Variants in ADAMTS8 observed in about 807,000 individuals in gnomAD.
ADAMTS8 encodes A disintegrin and metalloproteinase with thrombospondin motifs 8.
A neutral mutation model predicts 64.4 loss-of-function variants in ADAMTS8; 50 were observed. The observed-to-expected ratio is 0.78, with a 90% confidence interval of 0.62 to 0.98. ADAMTS8 has a LOEUF of 0.98. Among genes scored for constraint, ADAMTS8 ranks in the 50% least tolerant of loss-of-function variants. The probability of loss-of-function intolerance (pLI) is 0.00; values close to 1 mark genes in which losing one functional copy is unlikely to be tolerated. For synonymous variants in ADAMTS8, 556 were observed against 533.6 expected (o/e 1.04, Z -0.58); for missense variants, 1,192 against 1,208.2 (o/e 0.99, Z 0.20).
rs982956309 is a variant in ADAMTS8, at chr11:130,419,416, C to G, written c.721-124G>C. On this transcript the variant is annotated intron_variant, in intron 1 of 8. Transcript: ENST00000257359. ...GCATCAGATTCCTACCAAAGCCTCA[C>G]AATACCCCCGAGGTCTCCGTGTTAC... 3.7e-6 allele frequency: 5 copies of G among 1,369,374 alleles called. No homozygotes were observed. The African/African-American group carries it at 7.2e-5, about 20-fold the overall frequency. The allele number at this position is 1,369,374 out of a possible 1,614,324, so 84.8% of individuals were successfully genotyped here.
intron 1 of ADAMTS8, among the ~76,000 whole-genome samples, chr11:130,426,735 C>T (rs76076344): frequency 0.055 from 8,362 of 152,276 alleles, 259 homozygotes; most frequent in South Asian, 0.089. Context: ...TGTTTTTCTC[C>T]CCTGTTTAGG....
chr11:130,412,475 A>G (rs934224131), intron 5 of ADAMTS8, among the ~76,000 whole-genome samples: 1 of 152,120 alleles, frequency 6.6e-6, no homozygotes, highest in Admixed American at 6.5e-5. Context: ...CGGCCTCCCA[A>G]AGTACTGGGA....
intron 1 of ADAMTS8, among the ~76,000 whole-genome samples, chr11:130,424,847 C>A (rs1031699624): frequency 1.3e-5 from 2 of 152,136 alleles, no homozygotes; most frequent in African/African-American, 4.8e-5. Flanking sequence ...GTCCCTCCCC[C>A]ACCCGCCACG....
chr11:130,422,617 G>A (rs377554370), intron 1 of ADAMTS8, among the ~76,000 whole-genome samples: 1 of 152,230 alleles, frequency 6.6e-6, no homozygotes, highest in African/African-American at 2.4e-5. Context: ...GAAGCAAAGC[G>A]AGAGGAAAGA....
intron 6 of ADAMTS8, among the ~76,000 whole-genome samples, chr11:130,409,340 A>T (rs1039273561): frequency 6.6e-5 from 10 of 152,176 alleles, no homozygotes; most frequent in African/African-American, 2.2e-4. Flanking sequence ...ACCGGACATG[A>T]ATCCAAAGAC....
At position 130,405,992 on chromosome 11, in the gene ADAMTS8, C is replaced by A; in HGVS notation, c.2236G>T (p.Gly746Cys). The A allele has an allele frequency of 6.2e-7, 1 of 1,614,204 alleles. No individual in the cohort carries two copies. The highest frequency in any genetic ancestry group is 8.5e-7 in the Non-Finnish European group (1 of 1,180,042). Residue 746 changes from glycine (G) to cysteine (C), a missense_variant, in exon 9 of 9, where the codon GGC becomes TGC. Physicochemically the swap from Gly to Cys is radical, Grantham distance 159 (BLOSUM62 -3). Coordinates refer to ENST00000257359, the MANE Select transcript of ADAMTS8 (RefSeq NM_007037.6). The part of the protein sequence containing the change: ...KTADGQYLLN[G>C]NLAISAIEQD... Reference sequence around the variant, plus strand: ...TCTATGGCAGAGATGGCCAGGTTGCCGTTGAGCAGGTACTGCCCATCAGCC... The same window carrying A: ...TCTATGGCAGAGATGGCCAGGTTGCAGTTGAGCAGGTACTGCCCATCAGCC...
At chr11:130,424,705 C>T (rs543195231) in intron 1 of ADAMTS8, among the ~76,000 whole-genome samples, 50 of 152,316 alleles carry the variant, frequency 3.3e-4, no homozygotes, top group African/African-American at 1.1e-3. Context: ...CTCAGCTGGG[C>T]TCATGGATCT....
chr11:130,405,322 GA>G lies in ADAMTS8; in HGVS notation c.*235del. 1 of 1,320,148 alleles carries G rather than the reference GA, an allele frequency of 7.6e-7. No individual in the cohort carries two copies. Among genetic ancestry groups the G allele is most frequent in the Non-Finnish European group, 9.6e-7 (1 of 1,039,372 alleles). 81.8% of individuals were successfully genotyped at this position (1,320,148 alleles called of 1,614,324 possible). On this transcript the variant is annotated 3_prime_UTR_variant, in exon 9 of 9. Coordinates refer to ENST00000257359, the MANE Select transcript of ADAMTS8 (RefSeq NM_007037.6). ...ACCTTTTAACCTATGCCCTCTACTTGAACCCGAGCAAGGTCCAGTCCACTGG... is the reference window on the plus strand; with the variant it reads ...ACCTTTTAACCTATGCCCTCTACTTGACCCGAGCAAGGTCCAGTCCACTGG...
chr11:130,424,671 C>T (rs1387505482), intron 1 of ADAMTS8, among the ~76,000 whole-genome samples: 2 of 152,266 alleles, frequency 1.3e-5, no homozygotes, highest in African/African-American at 4.8e-5. Flanking sequence ...TCTTGAGGCA[C>T]GGGAACTTGA....
In ADAMTS8 at chr11:130,405,193, T is replaced by G. The variant is rs947996463; in HGVS notation, c.*365A>C. ...TTTTTTCCCCTGTGAGGTAGATTAT[T>G]TATCGGGGAAACCAGATAGAATTTT... On this transcript the variant is annotated 3_prime_UTR_variant, in exon 9 of 9. Transcript: ENST00000257359. 2 of 1,031,374 alleles carry G rather than the reference T, an allele frequency of 1.9e-6. No homozygotes were observed. The highest frequency in any genetic ancestry group is 2.3e-6 in the Non-Finnish European group (2 of 860,066). 63.9% of individuals were successfully genotyped at this position (1,031,374 alleles called of 1,614,324 possible). A position where few individuals can be genotyped will look rare whatever the true frequency, so the allele number is the denominator to read the frequency against.
At chr11:130,427,473 T>TGTCAG in intron 1 of ADAMTS8, 94 bp downstream of exon 1, 1 of 890,412 alleles carries the variant, frequency 1.1e-6, no homozygotes, top group Non-Finnish European at 1.5e-6. Flanking sequence ...TTTTTTTTTT[T>TGTCAG]TCTCAGAGGG....
intron 1 of ADAMTS8, 140 bp downstream of exon 1, chr11:130,427,427 G>T: frequency 9.4e-7 from 1 of 1,058,366 alleles, no homozygotes; most frequent in Non-Finnish European, 1.3e-6. Context: ...TTGGGGTAAG[G>T]CTGGAGAAGA....
Position 130,411,758 on chromosome 11 carries a change from GTGGCCTGCA to G in ADAMTS8, c.1567-167_1567-159del, listed in dbSNP as rs3837395. On this transcript the variant is annotated intron_variant, in intron 5 of 8. Transcript: ENST00000257359. This position sits in a 1 kb window ranked among gnomAD's most constrained non-coding sequence, Gnocchi z 4.2. ...CCTCAATCATTTGTTTAATGACTGT[GTGGCCTGCA>G]TGGCTTTGTGAGCACAGAGACCAGG... is the stretch of plus-strand genomic sequence containing the variant. 0.093 allele frequency: 68,686 copies of G among 735,628 alleles called. 4,314 individuals are homozygous for G. The highest frequency in any genetic ancestry group is 0.21 in the African/African-American group (11,838 of 56,414). The allele number at this position is 735,628 out of a possible 1,614,324, so 45.6% of individuals were successfully genotyped here. A position where few individuals can be genotyped will look rare whatever the true frequency, so the allele number is the denominator to read the frequency against.
rs943692023 is a variant in ADAMTS8, at chr11:130,411,351, C to T, written c.1750+66G>A. On this transcript the variant is annotated intron_variant, in intron 6 of 8. Transcript: ENST00000257359. This position sits in a 1 kb window ranked among gnomAD's most constrained non-coding sequence, Gnocchi z 4.2. ...CCACTTCACTCCCACTTTACACATC[C>T]TCTGGGGATGCGTCATAGCAATGAT... 1 of 1,565,352 alleles carries T rather than the reference C, an allele frequency of 6.4e-7. No homozygotes were observed. Among genetic ancestry groups the T allele is most frequent in the African/African-American group, 1.4e-5 (1 of 74,058 alleles).
rs762299796 is a variant in ADAMTS8, at chr11:130,405,592, G to A, written c.2636C>T (p.Ala879Val). ...TCNKALKPED[A>V]KPCESQLCPL The stretch of plus-strand genomic sequence containing the variant: ...GCACAGCTGGCTTTCGCAGGGCTTG[G>A]CATCCTCGGGTTTCAGAGCCTTGTT... Residue 879 changes from alanine to valine, a missense_variant, in exon 9 of 9, where the codon GCC (alanine) becomes GTC (valine). Transcript: ENST00000257359. 4 of 1,609,400 alleles carry A rather than the reference G, an allele frequency of 2.5e-6. No homozygotes were observed. Among genetic ancestry groups the A allele is most frequent in the South Asian group, 1.1e-5 (1 of 90,898 alleles).
intron 6 of ADAMTS8, 44 bp from the exon 7 acceptor site, chr11:130,408,984 A>G (rs759249042): frequency 6.7e-7 from 1 of 1,503,418 alleles, no homozygotes; most frequent in Admixed American, 2.4e-5. Context: ...CCCATGCGGA[A>G]GCAGGAGCAT....
intron 2 of ADAMTS8, 64 bp from the exon 3 acceptor site, chr11:130,417,139 C>T: frequency 1.3e-6 from 2 of 1,598,700 alleles, no homozygotes; most frequent in Non-Finnish European, 1.7e-6. Flanking sequence ...TGCAGGCCTG[C>T]AGGGCCGGGT....
At chr11:130,420,887 G>A (rs1345907957) in intron 1 of ADAMTS8, among the ~76,000 whole-genome samples, 1 of 152,106 alleles carries the variant, frequency 6.6e-6, no homozygotes, top group African/African-American at 2.4e-5. Flanking sequence ...GAGGAATGGT[G>A]GCTTGCCGAG....
At chr11:130,425,421 C>T (rs751973761) in intron 1 of ADAMTS8, among the ~76,000 whole-genome samples, 2 of 152,010 alleles carry the variant, frequency 1.3e-5, no homozygotes, top group African/African-American at 4.8e-5. Flanking sequence ...ACAGTCTGGC[C>T]CTGAAGGCTG....
Sources: allele counts gnomAD v4.1 joint callset (sites outside exome capture counted in the v4.1 genomes callset), GRCh38; gene constraint gnomAD v4.1.1; non-coding constraint Gnocchi (gnomAD v3.1); transcripts MANE v1.5; gene names NCBI Gene and HGNC (gene_info 2026-07-23, HGNC 2026-07-21).